OTOGL: variants seen among roughly 807,000 people sequenced by gnomAD.
The protein encoded by OTOGL is otogelin like, also known as otogelin-like protein.
Under a neutral mutation model 318.5 loss-of-function variants are expected in OTOGL, and 285 were observed. That is an observed-to-expected ratio of 0.89 (90% CI 0.81 to 0.99). The LOEUF (loss-of-function observed/expected upper bound fraction) is 0.99. OTOGL is among the 50% of genes least tolerant of loss of function. The pLI, the probability that OTOGL is intolerant of heterozygous loss-of-function variation, is 0.00. For synonymous variants in OTOGL, 987 were observed against 936.5 expected (o/e 1.05, Z -0.99); for missense variants, 2,899 against 2,845.6 (o/e 1.02, Z -0.43).
At chr12:80,286,926 G>A (rs955076885) in intron 26 of OTOGL, among the ~76,000 whole-genome samples, 10 of 152,062 alleles carry the variant, frequency 6.6e-5, no homozygotes, top group African/African-American at 2.4e-4. Flanking sequence ...TCTTCTGCTA[G>A]CTTTTGAATT....
chr12:80,218,876 CTT>C (rs1878006845), intron 5 of OTOGL, among the ~76,000 whole-genome samples: 1 of 144,470 alleles, frequency 6.9e-6, no homozygotes, highest in Non-Finnish European at 1.5e-5. Flanking sequence ...CTCACTGCAA[CTT>C]CTGCCTCCTG....
chr12:80,345,234 TA>T (rs1446527428), intron 44 of OTOGL, among the ~76,000 whole-genome samples: 20 of 139,576 alleles, frequency 1.4e-4, no homozygotes, highest in Admixed American at 1.2e-3. Flanking sequence ...ATATTATATA[TA>T]TATATTTTTT....
At chr12:80,340,159 A>G (rs1474323337) in intron 43 of OTOGL, among the ~76,000 whole-genome samples, 1 of 152,188 alleles carries the variant, frequency 6.6e-6, no homozygotes, top group Non-Finnish European at 1.5e-5. Context: ...ATAAAAGTTT[A>G]TGGATCACCT....
intron 26 of OTOGL, among the ~76,000 whole-genome samples, chr12:80,279,999 G>A (rs1884102527): frequency 6.6e-6 from 1 of 151,640 alleles, no homozygotes; most frequent in Non-Finnish European, 1.5e-5. Context: ...CATTTTGACT[G>A]CTGTGAGATG....
At chr12:80,266,673 G>A in intron 21 of OTOGL, 57 bp downstream of exon 21, 3 of 1,471,832 alleles carry the variant, frequency 2.0e-6, no homozygotes, top group Non-Finnish European at 2.8e-6. Context: ...TCTCCTTACG[G>A]GCTAAATGAG....
intron 27 of OTOGL, among the ~76,000 whole-genome samples, chr12:80,299,620 A>AG (rs1281094151): frequency 9.9e-5 from 15 of 151,590 alleles, no homozygotes; most frequent in Admixed American, 9.2e-4. Context: ...GAAAAAAAAA[A>AG]AAAACCACCT....
chr12:80,292,266 G>A (rs895297391), intron 26 of OTOGL, among the ~76,000 whole-genome samples: 3 of 152,166 alleles, frequency 2.0e-5, no homozygotes. Context: ...GAGATTACAG[G>A]CATGAGCCAC....
At chr12:80,356,542 T>C in intron 48 of OTOGL, 22 bp downstream of exon 48, 3 of 1,522,190 alleles carry the variant, frequency 2.0e-6, no homozygotes, top group Non-Finnish European at 2.7e-6. Flanking sequence ...ATATAGAAAA[T>C]TAAGAGTGAG....
At chr12:80,103,043 T>A in intron 1 of OTOGL, 1 of 1,085,062 alleles carries the variant, frequency 9.2e-7, no homozygotes, top group South Asian at 1.3e-5. Context: ...AGTGAATGCC[T>A]ATGTGGACAG....
At position 80,336,151 on chromosome 12, in the gene OTOGL, A is replaced by G. The variant is rs1244502324; in HGVS notation, c.4600+11A>G. 6.4e-7 allele frequency: 1 copy of G among 1,558,346 alleles called. No homozygotes were observed. Among genetic ancestry groups the G allele is most frequent in the Non-Finnish European group, 8.6e-7 (1 of 1,164,996 alleles). ...AGTGGGAATGTCCTTGTAAGTTTGC[A>G]TTTCTTAAGCGGTGATCTTTTTTTT... is the stretch of plus-strand genomic sequence containing the variant. On this transcript the variant is annotated intron_variant, in intron 39 of 58. Transcript: ENST00000547103.
At chr12:80,219,025 AAATGTTT>A (rs1878020950) in intron 5 of OTOGL, among the ~76,000 whole-genome samples, 1 of 151,966 alleles carries the variant, frequency 6.6e-6, no homozygotes, top group Admixed American at 6.5e-5. Flanking sequence ...ACCTCAAATG[AAATGTTT>A]AATCATTCTC....
At chr12:80,187,384 C>A (rs1275378353) in intron 1 of OTOGL, among the ~76,000 whole-genome samples, 1 of 151,996 alleles carries the variant, frequency 6.6e-6, no homozygotes, top group Non-Finnish European at 1.5e-5. Flanking sequence ...CATACCTGAG[C>A]CAGTCCTGAA....
Position 80,222,125 on chromosome 12 carries a change from T to C in OTOGL, c.369T>C (p.Cys123=). Residue 123 remains cysteine (C), a synonymous_variant, in exon 7 of 59, where the codon TGT becomes TGC. Coordinates refer to ENST00000547103, the MANE Select transcript of OTOGL (RefSeq NM_001378609.3). ...PNMGNGRDGI[C]KTWGQYHFET... is the part of the protein sequence containing the mutation. Reference sequence around the variant, plus strand: ...TGGGCAACGGCAGAGATGGGATTTGTAAAACCTGGGGACAGTATCATTTTG... The same window carrying C: ...TGGGCAACGGCAGAGATGGGATTTGCAAAACCTGGGGACAGTATCATTTTG... 6.3e-7 allele frequency: 1 copy of C among 1,598,674 alleles called. No homozygotes were observed. Among genetic ancestry groups the C allele is most frequent in the South Asian group, 1.1e-5 (1 of 91,028 alleles).
At chr12:80,377,702 G>GT (rs1891243840) in intron 58 of OTOGL, 146 bp from the exon 59 acceptor site, 1 of 663,176 alleles carries the variant, frequency 1.5e-6, no homozygotes, top group South Asian at 2.0e-5. Flanking sequence ...TTCATTTATT[G>GT]TTTTTTACGA....
intron 1 of OTOGL, among the ~76,000 whole-genome samples, chr12:80,159,404 A>G (rs551250472): frequency 6.6e-6 from 1 of 152,220 alleles, no homozygotes; most frequent in Admixed American, 6.6e-5. Flanking sequence ...TGTCAATAGG[A>G]CGGTACAAAT....
At chr12:80,289,586 G>A (rs1316122970) in intron 26 of OTOGL, among the ~76,000 whole-genome samples, 2 of 152,204 alleles carry the variant, frequency 1.3e-5, no homozygotes, top group East Asian at 1.9e-4. Flanking sequence ...TTTCAGAGAT[G>A]TCCTGCCCAG....
intron 1 of OTOGL, among the ~76,000 whole-genome samples, chr12:80,120,724 T>A: frequency 6.6e-6 from 1 of 152,178 alleles, no homozygotes; most frequent in East Asian, 1.9e-4. Context: ...ATTCCCTCGA[T>A]ATAAAAACAC....
At chr12:80,368,126 T>G (rs1408097249) in intron 54 of OTOGL, 79 bp from the exon 55 acceptor site, 11 of 1,071,332 alleles carry the variant, frequency 1.0e-5, no homozygotes, top group Non-Finnish European at 1.5e-5. Flanking sequence ...TGTAGTTATG[T>G]TTGGAAGAAA....
Position 80,253,675 on chromosome 12 carries a change from T to C in OTOGL, c.1394+101T>C. ...GGAATATACTCATTACTAATTTACT[T>C]CCCAAATTCCAACACAAAACTTGCA... On this transcript the variant is annotated intron_variant, in intron 14 of 58. Transcript: ENST00000547103. 4 of 884,040 alleles carry C rather than the reference T, an allele frequency of 4.5e-6. No individual in the cohort carries two copies. In the South Asian group the frequency reaches 8.5e-5, roughly 19 times the overall value. 54.8% of individuals were successfully genotyped at this position (884,040 alleles called of 1,614,324 possible). A position where few individuals can be genotyped will look rare whatever the true frequency, so the allele number is the denominator to read the frequency against.
Sources: gnomAD v4.1 joint callset for allele counts (sites outside exome capture counted in the v4.1 genomes callset) on GRCh38, gnomAD v4.1.1 for gene constraint, MANE v1.5 for transcripts, NCBI Gene and HGNC (gene_info 2026-07-23, HGNC 2026-07-21) for gene names.